SEH1L: variants seen among roughly 807,000 people sequenced by gnomAD.
SEH1L encodes SEH1 like nucleoporin.
Under a neutral mutation model 49.5 loss-of-function variants are expected in SEH1L, and 18 were observed. The ratio of observed to expected loss-of-function variants is 0.36; its 90% CI spans 0.25 to 0.54. The LOEUF (loss-of-function observed/expected upper bound fraction) is 0.54, where lower values mean the gene tolerates loss of function less well. Ranked by LOEUF, SEH1L falls within the 20% of genes least tolerant of loss-of-function variation. The probability of loss-of-function intolerance (pLI) is 0.87; values close to 1 mark genes in which losing one functional copy is unlikely to be tolerated. For missense variants in SEH1L, 404 were observed against 528.8 expected (o/e 0.76, Z 2.31); for synonymous variants, 169 against 178.1 (o/e 0.95, Z 0.41).
In SEH1L at chr18:12,963,364, C is replaced by A. The variant is rs767001820; in HGVS notation, c.514C>A (p.Pro172Thr). 1.2e-6 allele frequency: 2 copies of A among 1,612,230 alleles called. No homozygotes were observed. Among genetic ancestry groups the A allele is most frequent in the South Asian group, 1.1e-5 (1 of 91,036 alleles). The change falls in exon 4 of 9, where the codon CCT (proline) becomes ACT (threonine). Residue 172 changes from proline (P) to threonine (T), a missense_variant. This residue lies in a region of SEH1L where 342 missense variants were observed against 430.8 expected (regional missense o/e 0.79). Coordinates refer to ENST00000399892, the MANE Select transcript of SEH1L (RefSeq NM_001013437.2). ...AAGCTGTAGTTGTATTTCTTGGAACCCTTCAAGGTAAGTTTACATATTAAA... is the reference window on the plus strand; with the variant it reads ...AAGCTGTAGTTGTATTTCTTGGAACACTTCAAGGTAAGTTTACATATTAAA... ...KLSCSCISWN[P>T]SSSRAHSPMI...
At chr18:12,951,440 G>T (rs1020170168) in intron 1 of SEH1L, among the ~76,000 whole-genome samples, 9 of 152,312 alleles carry the variant, frequency 5.9e-5, no homozygotes, top group Admixed American at 1.3e-4. Context: ...TCCCAGGCTG[G>T]AGTGCAGTGG....
intron 7 of SEH1L, chr18:12,983,070 T>C (rs1334102164): frequency 6.5e-6 from 1 of 153,846 alleles, no homozygotes; most frequent in Non-Finnish European, 1.4e-5. Context: ...TCTTCCCTGC[T>C]TCTTCTCTGC....
chr18:12,950,034 T>C (rs1201410139), intron 1 of SEH1L, among the ~76,000 whole-genome samples: 18 of 152,028 alleles, frequency 1.2e-4, no homozygotes, highest in African/African-American at 4.1e-4. Context: ...TTTTCTTTTT[T>C]CTTTTTCCTT....
intron 8 of SEH1L, chr18:12,986,502 T>TA (rs1239362247): frequency 3.5e-5 from 35 of 986,188 alleles, no homozygotes; most frequent in Non-Finnish European, 4.0e-5. Flanking sequence ...ACTAGATCTG[T>TA]AAATGTACAG....
intron 5 of SEH1L, chr18:12,974,512 T>C (rs1186719276): frequency 1.3e-5 from 2 of 152,114 alleles, no homozygotes; most frequent in African/African-American, 4.8e-5. Flanking sequence ...TCTCTTGATC[T>C]TGTGATCCGC....
At chr18:12,982,315 G>A (rs955844468) in intron 6 of SEH1L, among the ~76,000 whole-genome samples, 3 of 152,128 alleles carry the variant, frequency 2.0e-5, no homozygotes, top group African/African-American at 4.8e-5. Flanking sequence ...AGGTCTTGGC[G>A]AGTTAAATGA....
At chr18:12,948,734 T>C (rs1214695125) in intron 1 of SEH1L, 2 of 153,206 alleles carry the variant, frequency 1.3e-5, no homozygotes, top group African/African-American at 4.8e-5. Flanking sequence ...GGAAGAAAAA[T>C]ACAAACCATT....
intron 6 of SEH1L, among the ~76,000 whole-genome samples, chr18:12,982,059 T>C (rs1490746490): frequency 6.6e-6 from 1 of 151,974 alleles, no homozygotes; most frequent in Non-Finnish European, 1.5e-5. Flanking sequence ...AGGGATGGGG[T>C]TTCGCCATGT....
chr18:12,986,170 T>C (rs2032450005), intron 8 of SEH1L: 3 of 984,854 alleles, frequency 3.0e-6, no homozygotes, highest in Admixed American at 6.1e-5. Flanking sequence ...TTAAATTAAT[T>C]CATGTCCTGT....
At chr18:12,958,064 C>CTTTTTTTTTTTTTTT (rs57733399) in intron 3 of SEH1L, among the ~76,000 whole-genome samples, 3 of 62,036 alleles carry the variant, frequency 4.8e-5, no homozygotes, top group Admixed American at 2.8e-4. Flanking sequence ...CTCATTTTAA[C>CTTTTTTTTTTTTTTT]TTTTTTTTTT....
intron 1 of SEH1L, 86 bp downstream of exon 1, chr18:12,948,318 G>T: frequency 1.0e-6 from 1 of 971,716 alleles, no homozygotes; most frequent in Admixed American, 2.0e-5. Context: ...GCTGTGTCTT[G>T]GTTCAGTGAC....
At chr18:12,965,500 G>A (rs1322094356) in intron 4 of SEH1L, among the ~76,000 whole-genome samples, 1 of 152,204 alleles carries the variant, frequency 6.6e-6, no homozygotes, top group Admixed American at 6.5e-5. Flanking sequence ...AGATGGAATG[G>A]ATGGCAAACT....
At chr18:12,963,993 G>A (rs1056871575) in intron 4 of SEH1L, among the ~76,000 whole-genome samples, 3 of 152,186 alleles carry the variant, frequency 2.0e-5, no homozygotes, top group Non-Finnish European at 2.9e-5. Flanking sequence ...GATGACAGGC[G>A]TGAGCTGCTG....
At chr18:12,962,998 GC>G (rs2031264567) in intron 3 of SEH1L, among the ~76,000 whole-genome samples, 161 bp from the exon 4 acceptor site, 1 of 151,850 alleles carries the variant, frequency 6.6e-6, no homozygotes, top group Admixed American at 6.6e-5. Context: ...GTGGTATTTT[GC>G]CATGTACTTG....
Position 12,985,418 on chromosome 18 carries a change from G to C in SEH1L, c.1070+1228G>C, listed in dbSNP as rs1598986229. 6 of 1,338,898 alleles carry C rather than the reference G, an allele frequency of 4.5e-6. No individual in the cohort carries two copies. In the East Asian group the frequency reaches 1.8e-4, roughly 39 times the overall value. The allele number at this position is 1,338,898 out of a possible 1,614,324, so 82.9% of individuals were successfully genotyped here. A position where few individuals can be genotyped will look rare whatever the true frequency, so the allele number is the denominator to read the frequency against. ...AATCCAAAAGGCCTTTAAAAATACA[G>C]TGTATATTTTTTGTACTAGTCAGTT... is the stretch of plus-strand genomic sequence containing the variant. On this transcript the variant is annotated intron_variant, in intron 8 of 8. Coordinates refer to ENST00000399892, the MANE Select transcript of SEH1L (RefSeq NM_001013437.2).
intron 8 of SEH1L, chr18:12,986,261 G>A (rs1214394885): frequency 1.0e-6 from 1 of 985,248 alleles, no homozygotes; most frequent in African/African-American, 1.7e-5. Context: ...TTACAAGATG[G>A]AAGAAGAATA....
chr18:12,979,930 A>G lies in SEH1L; in HGVS notation c.761+1038A>G, dbSNP rs1390116426. On this transcript the variant is annotated intron_variant, in intron 6 of 8. Transcript: ENST00000399892. ...GGCTGGCCGGGCAGAGGGGCTCCTC[A>G]CTTCCCAGTAGGGGCGGCCGGGCAG... is the stretch of plus-strand genomic sequence containing the variant. 1.5e-4 allele frequency among the ~76,000 whole-genome samples: 18 copies of G among 116,934 alleles called. No individual in the cohort carries two copies. In the South Asian group the frequency reaches 5.0e-3, roughly 33 times the overall value. 76.7% of individuals were successfully genotyped at this position (116,934 alleles called of 152,430 possible).
intron 5 of SEH1L, chr18:12,975,807 A>G: frequency 7.1e-6 from 7 of 986,050 alleles, no homozygotes; most frequent in Non-Finnish European, 8.4e-6. Context: ...TATGATGTGG[A>G]ATGAGGACAT....
chr18:12,958,845 G>A (rs1009877595), intron 3 of SEH1L, among the ~76,000 whole-genome samples: 2 of 152,252 alleles, frequency 1.3e-5, no homozygotes, highest in African/African-American at 2.4e-5. Context: ...CCGTGCTTTC[G>A]ATTCTTTTGG....
Sources: gnomAD v4.1 joint callset for allele counts (sites outside exome capture counted in the v4.1 genomes callset) on GRCh38, gnomAD v4.1.1 for gene constraint, gnomAD v4.1.1 regional missense constraint, MANE v1.5 for transcripts, NCBI Gene and HGNC (gene_info 2026-07-23, HGNC 2026-07-21) for gene names.